The following PTPRD variants were observed in gnomAD, a reference collection of about 807,000 sequenced individuals.
PTPRD encodes the protein receptor-type tyrosine-protein phosphatase delta.
PTPRD carries 34 observed loss-of-function variants against 214.5 expected under a neutral mutation model. The ratio of observed to expected loss-of-function variants is 0.16; its 90% CI spans 0.12 to 0.21. The LOEUF is 0.21. Among genes scored for constraint, PTPRD ranks in the 10% least tolerant of loss-of-function variants. The pLI is 1.00. For synonymous variants in PTPRD, 1,128 were observed against 845.7 expected (o/e 1.33, Z -5.79); for missense variants, 2,545 against 2,398.7 (o/e 1.06, Z -1.27).
intron 7 of PTPRD, among the ~76,000 whole-genome samples, chr9:9,655,509 C>A (rs977590070): frequency 1.3e-4 from 19 of 151,806 alleles, no homozygotes; most frequent in African/African-American, 4.4e-4. Flanking sequence ...GCAGAGGTTG[C>A]AGTGAGCCGA....
intron 11 of PTPRD, among the ~76,000 whole-genome samples, chr9:8,741,218 A>G (rs530901884): frequency 2.0e-5 from 3 of 152,306 alleles, no homozygotes; most frequent in Admixed American, 2.0e-4. Context: ...AAAGGAAAAA[A>G]AAACCTCATC....
At chr9:9,300,468 C>T (rs993954648) in intron 9 of PTPRD, among the ~76,000 whole-genome samples, 1 of 151,742 alleles carries the variant, frequency 6.6e-6, no homozygotes, top group Admixed American at 6.6e-5. Context: ...ATAAGCTTTC[C>T]CTGACAGCAA....
At chr9:10,152,838 A>G (rs981182977) in intron 3 of PTPRD, among the ~76,000 whole-genome samples, 14 of 152,122 alleles carry the variant, frequency 9.2e-5, no homozygotes, top group African/African-American at 3.4e-4. Flanking sequence ...CCTCCCCCAA[A>G]AAGAAGGAAA....
At chr9:8,339,233 C>A (rs3765143) in intron 42 of PTPRD, among the ~76,000 whole-genome samples, 186 bp from the exon 43 acceptor site, 11 of 152,070 alleles carry the variant, frequency 7.2e-5, no homozygotes, top group South Asian at 2.1e-4. Flanking sequence ...ATAGGGAAAC[C>A]CTTTGGTTCA....
Position 8,450,463 on chromosome 9 carries a change from A to G in PTPRD, c.3876-626T>C, listed in dbSNP as rs556609754. Among the ~76,000 whole-genome samples, 31 of 152,322 alleles carry G rather than the reference A, an allele frequency of 2.0e-4. No individual in the cohort carries two copies. In the South Asian group the frequency reaches 2.3e-3, roughly 11 times the overall value. On this transcript the variant is annotated intron_variant, in intron 33 of 45. Transcript: ENST00000381196. ...AGGAAAAAAAACAGTGTTAGCTCTT[A>G]ACAGTGTTAAGCTAACTGTGATTAA...
At chr9:9,920,392 T>C (rs914446562) in intron 5 of PTPRD, among the ~76,000 whole-genome samples, 2 of 152,102 alleles carry the variant, frequency 1.3e-5, no homozygotes, top group Non-Finnish European at 2.9e-5. Flanking sequence ...ATGAGCTCTC[T>C]AACAATTCGA....
intron 2 of PTPRD, among the ~76,000 whole-genome samples, chr9:10,489,986 T>A (rs917347598): frequency 3.3e-5 from 5 of 152,168 alleles, no homozygotes; most frequent in African/African-American, 1.2e-4. Flanking sequence ...TGATTTTTGG[T>A]TCTTATGAAG....
At chr9:10,184,433 A>C (rs1318216481) in intron 3 of PTPRD, among the ~76,000 whole-genome samples, 2 of 151,976 alleles carry the variant, frequency 1.3e-5, no homozygotes, top group African/African-American at 4.8e-5. Flanking sequence ...AAAAAATATA[A>C]ATAAATAAAT....
chr9:9,475,755 T>A (rs1364553874), intron 8 of PTPRD, among the ~76,000 whole-genome samples: 1 of 152,234 alleles, frequency 6.6e-6, no homozygotes, highest in East Asian at 1.9e-4. Context: ...ATGCCCATTC[T>A]AACATTCCAC....
chr9:8,347,328 T>C (rs2074128653), intron 39 of PTPRD, among the ~76,000 whole-genome samples: 1 of 152,120 alleles, frequency 6.6e-6, no homozygotes, highest in African/African-American at 2.4e-5. Context: ...CCATCCATAT[T>C]TGTTGTATTT....
rs532552034 is a variant in PTPRD at position 8,317,879 on chromosome 9, T to A, written c.5734A>T (p.Thr1912Ser). The change falls in exon 46 of 46, where the codon ACG becomes TCG. Residue 1912 changes from threonine to serine, a missense_variant. Physicochemically the swap from Thr to Ser is moderately conservative, Grantham distance 58. Transcript: ENST00000381196. ...EYLGSFDHYAT is the reference protein window; with the variant it reads ...EYLGSFDHYAS ...CCAGAATGGGTCAGGGGTTTCTACGTTGCATAGTGGTCAAAGCTGCCCAGG... is the reference window on the plus strand; with the variant it reads ...CCAGAATGGGTCAGGGGTTTCTACGATGCATAGTGGTCAAAGCTGCCCAGG... 6.2e-7 allele frequency: 1 copy of A among 1,612,194 alleles called. No homozygotes were observed. Among genetic ancestry groups the A allele is most frequent in the East Asian group, 2.2e-5 (1 of 44,826 alleles).
At chr9:8,566,470 A>C (rs1014818932) in intron 14 of PTPRD, among the ~76,000 whole-genome samples, 2 of 152,152 alleles carry the variant, frequency 1.3e-5, no homozygotes, top group Admixed American at 6.6e-5. Flanking sequence ...TATTTTGATA[A>C]TATCCTCAGT....
chr9:10,459,057 A>G (rs1339170251), intron 2 of PTPRD, among the ~76,000 whole-genome samples: 5 of 151,700 alleles, frequency 3.3e-5, no homozygotes, highest in Non-Finnish European at 7.4e-5. Flanking sequence ...CTAGCCCCCC[A>G]TCCATGACAG....
chr9:9,750,724 G>A (rs1239208811), intron 6 of PTPRD, among the ~76,000 whole-genome samples: 1 of 152,058 alleles, frequency 6.6e-6, no homozygotes, highest in Non-Finnish European at 1.5e-5. Flanking sequence ...TCACTAACAA[G>A]ATATCTTGAG....
chr9:9,810,596 C>T (rs1262701654), intron 5 of PTPRD, among the ~76,000 whole-genome samples: 1 of 151,110 alleles, frequency 6.6e-6, no homozygotes, highest in Non-Finnish European at 1.5e-5. Flanking sequence ...TTGTTGAAAC[C>T]TATTGCTCAG....
rs551512588 is a variant in PTPRD, at chr9:8,850,826, A to G, written c.-103-116880T>C. ...TGTTTTCACAGGGAGGCCAGGATCTACTTGTGTAGTAAGAAATCATTAGAG... is the reference window on the plus strand; with the variant it reads ...TGTTTTCACAGGGAGGCCAGGATCTGCTTGTGTAGTAAGAAATCATTAGAG... On this transcript the variant is annotated intron_variant, in intron 11 of 45. Transcript: ENST00000381196. 1.4e-3 allele frequency among the ~76,000 whole-genome samples: 215 copies of G among 152,346 alleles called. 1 individual carries two copies. Among genetic ancestry groups the G allele is most frequent in the African/African-American group, 4.8e-3 (200 of 41,580 alleles).
chr9:9,660,402 A>G (rs1054567663), intron 7 of PTPRD, among the ~76,000 whole-genome samples: 45 of 151,976 alleles, frequency 3.0e-4, no homozygotes, highest in African/African-American at 1.1e-3. Flanking sequence ...GCCAAGTATG[A>G]GATGTTGGTG....
intron 11 of PTPRD, among the ~76,000 whole-genome samples, chr9:9,006,986 ACT>A (rs1394417323): frequency 6.6e-6 from 1 of 151,980 alleles, no homozygotes; most frequent in Non-Finnish European, 1.5e-5. Flanking sequence ...GAGAAAATGG[ACT>A]ATTTGTAACA....
chr9:9,047,151 G>T (rs1320036936), intron 10 of PTPRD, among the ~76,000 whole-genome samples: 1 of 151,834 alleles, frequency 6.6e-6, no homozygotes, highest in South Asian at 2.1e-4. Flanking sequence ...AAAAAATACT[G>T]TTTATAATAG....
Sources: gnomAD v4.1 joint callset for allele counts (sites outside exome capture counted in the v4.1 genomes callset) on GRCh38, gnomAD v4.1.1 for gene constraint, MANE v1.5 for transcripts, NCBI Gene and HGNC (gene_info 2026-07-23, HGNC 2026-07-21) for gene names.